Variants in CTNNA3 observed in about 807,000 individuals in gnomAD.
The protein encoded by CTNNA3 is catenin alpha-3.
CTNNA3 carries 76 observed loss-of-function variants against 95.7 expected under a neutral mutation model. The ratio of observed to expected loss-of-function variants is 0.79; its 90% confidence interval spans 0.66 to 0.96. CTNNA3 has a LOEUF of 0.96. Ranked by LOEUF, CTNNA3 falls within the 40% of genes least tolerant of loss-of-function variation. CTNNA3 has a pLI of 0.00. For synonymous variants in CTNNA3, 431 were observed against 374.4 expected (o/e 1.15, Z -1.74); for missense variants, 1,191 against 1,089.8 (o/e 1.09, Z -1.31).
chr10:67,460,943 C>G (rs1200542087), intron 5 of CTNNA3, among the ~76,000 whole-genome samples: 1 of 152,068 alleles, frequency 6.6e-6, no homozygotes, highest in Non-Finnish European at 1.5e-5. Context: ...TCCTATTGTA[C>G]TTTATATGAT....
chr10:67,271,494 TA>T (rs1484613305), intron 5 of CTNNA3, among the ~76,000 whole-genome samples: 1 of 152,182 alleles, frequency 6.6e-6, no homozygotes, highest in African/African-American at 2.4e-5. Flanking sequence ...GTGAGTCAAT[TA>T]AACCTCTTTC....
At chr10:66,185,397 T>G (rs2086279362) in intron 13 of CTNNA3, among the ~76,000 whole-genome samples, 1 of 152,082 alleles carries the variant, frequency 6.6e-6, no homozygotes. Flanking sequence ...GAGCATTATT[T>G]GTACCTCCAT....
At chr10:66,914,130 CT>C (rs3056545) in intron 7 of CTNNA3, among the ~76,000 whole-genome samples, 49,020 of 119,616 alleles carry the variant, frequency 0.41, 8,190 homozygotes, top group East Asian at 0.76. Context: ...AGGGTGCCTT[CT>C]TTTTTTTTTT....
intron 7 of CTNNA3, among the ~76,000 whole-genome samples, chr10:67,128,587 A>T (rs1859839143): frequency 6.6e-6 from 1 of 152,158 alleles, no homozygotes; most frequent in South Asian, 2.1e-4. Context: ...TTCCTTTAAC[A>T]GCTTTACCCC....
At chr10:67,010,376 G>C (rs1052699784) in intron 7 of CTNNA3, among the ~76,000 whole-genome samples, 4 of 152,068 alleles carry the variant, frequency 2.6e-5, no homozygotes, top group African/African-American at 9.7e-5. Context: ...AAATATAAAA[G>C]GGTTTATCAT....
chr10:67,720,859 C>T (rs1454241593), intron 1 of CTNNA3, among the ~76,000 whole-genome samples: 1 of 152,078 alleles, frequency 6.6e-6, no homozygotes, highest in Non-Finnish European at 1.5e-5. Flanking sequence ...GAGGCTGAGG[C>T]AGGAGAATTG....
chr10:66,072,516 C>T (rs140660390), intron 14 of CTNNA3, among the ~76,000 whole-genome samples: 27,298 of 152,018 alleles, frequency 0.18, 2,926 homozygotes, highest in Middle Eastern at 0.24. Context: ...ATGATCTCAG[C>T]TCACTGCCAC....
intron 5 of CTNNA3, among the ~76,000 whole-genome samples, chr10:67,409,572 C>A (rs1845285680): frequency 6.6e-6 from 1 of 151,008 alleles, no homozygotes; most frequent in Non-Finnish European, 1.5e-5. Flanking sequence ...ATAACACACA[C>A]TGGAGGCTGT....
chr10:66,568,977 CT>C (rs1410703261), intron 10 of CTNNA3, among the ~76,000 whole-genome samples: 5 of 151,970 alleles, frequency 3.3e-5, no homozygotes, highest in African/African-American at 1.2e-4. Flanking sequence ...AGAAAGTACT[CT>C]GACTATAGCA....
chr10:67,524,644 A>C (rs1475271583), intron 4 of CTNNA3, among the ~76,000 whole-genome samples: 1 of 152,202 alleles, frequency 6.6e-6, no homozygotes, highest in East Asian at 1.9e-4. Context: ...AAACCATGAT[A>C]ATTTCATTCA....
intron 4 of CTNNA3, among the ~76,000 whole-genome samples, chr10:67,522,727 C>A (rs747959355): frequency 1.7e-4 from 26 of 151,546 alleles, no homozygotes; most frequent in Non-Finnish European, 3.5e-4. Context: ...AGAATACTGT[C>A]TGCTACTAAT....
At chr10:67,366,252 A>T (rs1347471180) in intron 5 of CTNNA3, among the ~76,000 whole-genome samples, 1 of 152,156 alleles carries the variant, frequency 6.6e-6, no homozygotes, top group Non-Finnish European at 1.5e-5. Context: ...AGAAATGCCT[A>T]ATGTAAATGA....
At chr10:66,902,044 A>G (rs900707140) in intron 7 of CTNNA3, among the ~76,000 whole-genome samples, 30 of 152,214 alleles carry the variant, frequency 2.0e-4, no homozygotes, top group African/African-American at 7.0e-4. Context: ...TTAGACATCT[A>G]CAGAACTCTC....
At chr10:66,352,648 T>C (rs988471025) in intron 12 of CTNNA3, among the ~76,000 whole-genome samples, 24 of 152,066 alleles carry the variant, frequency 1.6e-4, no homozygotes, top group Non-Finnish European at 2.4e-4. Context: ...GAAATTCCCC[T>C]AATTGGCACA....
At chr10:65,929,488 G>T (rs2133135881) in intron 17 of CTNNA3, among the ~76,000 whole-genome samples, 1 of 151,882 alleles carries the variant, frequency 6.6e-6, no homozygotes, top group South Asian at 2.1e-4. Context: ...TGTTTATTAA[G>T]ATTTAATGTG....
chr10:67,585,093 G>A (rs750666664), intron 3 of CTNNA3, among the ~76,000 whole-genome samples: 1 of 152,170 alleles, frequency 6.6e-6, no homozygotes, highest in Non-Finnish European at 1.5e-5. Context: ...CCAGTGAGAC[G>A]AACCTGGTAC....
At chr10:66,720,784 G>A (rs1848603769) in intron 9 of CTNNA3, among the ~76,000 whole-genome samples, 1 of 152,126 alleles carries the variant, frequency 6.6e-6, no homozygotes, top group Admixed American at 6.5e-5. Flanking sequence ...AGTGAGCCGA[G>A]ATCGCGCCAC....
chr10:67,121,960 C>A (rs10997520), intron 7 of CTNNA3, among the ~76,000 whole-genome samples: 2 of 116,446 alleles, frequency 1.7e-5, no homozygotes, highest in Non-Finnish European at 3.3e-5. Context: ...GTAGCACGCT[C>A]TTAGCCAACA....
chr10:66,820,301 G>A (rs1297801335), intron 7 of CTNNA3, among the ~76,000 whole-genome samples: 1 of 152,092 alleles, frequency 6.6e-6, no homozygotes, highest in Non-Finnish European at 1.5e-5. Context: ...AGTACAGAAA[G>A]TGGATTAGTG....
Sources: gnomAD v4.1 joint callset for allele counts (sites outside exome capture counted in the v4.1 genomes callset) on GRCh38, gnomAD v4.1.1 for gene constraint, MANE v1.5 for transcripts, NCBI Gene and HGNC (gene_info 2026-07-23, HGNC 2026-07-21) for gene names.